LCOR: variants seen among roughly 807,000 people sequenced by gnomAD.
The protein encoded by LCOR is ligand dependent nuclear receptor corepressor, also known as ligand-dependent corepressor.
In LCOR, 14 loss-of-function variants were observed where a neutral mutation model predicts 64.4. The ratio of observed to expected loss-of-function variants is 0.22; its 90% confidence interval spans 0.14 to 0.34. LCOR has a LOEUF of 0.34. Ranked by LOEUF, LCOR falls within the 10% of genes least tolerant of loss-of-function variation. The pLI, the probability that LCOR is intolerant of heterozygous loss-of-function variation, is 1.00. For synonymous variants in LCOR, 643 were observed against 642.5 expected, an observed-to-expected ratio of 1.00 and a Z score of -0.01; for missense variants, 1,686 against 1,765.3, an observed-to-expected ratio of 0.96 and a Z score of 0.80.
chr10:96,840,607 A>G (rs185246820), intron 2 of LCOR, among the ~76,000 whole-genome samples: 3 of 152,276 alleles, frequency 2.0e-5, no homozygotes, highest in African/African-American at 2.4e-5. Flanking sequence ...TCCTCTCTAT[A>G]TATTTTTTAA....
At chr10:96,957,638 T>A in intron 7 of LCOR, 1 of 985,384 alleles carries the variant, frequency 1.0e-6, no homozygotes, top group Non-Finnish European at 1.2e-6. Context: ...TACTAACAGT[T>A]TGAGGGGAGG....
chr10:96,903,611 A>T (rs1487607077), intron 2 of LCOR, among the ~76,000 whole-genome samples: 2 of 152,080 alleles, frequency 1.3e-5, no homozygotes, highest in Non-Finnish European at 2.9e-5. Context: ...CATTCTGTTA[A>T]TTTTTTTCCA....
chr10:96,953,313 C>T (rs990359435), intron 7 of LCOR, among the ~76,000 whole-genome samples: 9 of 151,824 alleles, frequency 5.9e-5, no homozygotes, highest in South Asian at 2.1e-4. Flanking sequence ...GCACTTTGGG[C>T]GGCTGAAGCG....
chr10:96,920,660 A>ATATTCATATATG (rs1847052063), intron 4 of LCOR, among the ~76,000 whole-genome samples: 1 of 135,056 alleles, frequency 7.4e-6, no homozygotes, highest in African/African-American at 3.3e-5. Flanking sequence ...ATGTGTATAT[A>ATATTCATATATG]TGTATATATG....
At position 96,985,899 on chromosome 10, in the gene LCOR, C is replaced by T. The variant is rs1459872637; in HGVS notation, c.*765C>T. ...GCATCCCCAAACTGTATTACTAATT[C>T]TCACCATCTTCTTCATTTCTGGTCT... On this transcript the variant is annotated 3_prime_UTR_variant, in exon 8 of 8. Transcript: ENST00000421806. 2 of 167,000 alleles carry T rather than the reference C, an allele frequency of 1.2e-5. No individual in the cohort carries two copies. Among genetic ancestry groups the T allele is most frequent in the African/African-American group, 4.8e-5 (2 of 41,426 alleles). The allele number at this position is 167,000 out of a possible 1,614,324, so 10.3% of individuals were successfully genotyped here. A position where few individuals can be genotyped will look rare whatever the true frequency, so the allele number is the denominator to read the frequency against.
chr10:96,892,348 T>G (rs999793208), intron 2 of LCOR, among the ~76,000 whole-genome samples: 1 of 152,168 alleles, frequency 6.6e-6, no homozygotes. Flanking sequence ...CCTTTGTCTT[T>G]TTAAGTAGTT....
chr10:96,958,281 G>A, intron 7 of LCOR: 2 of 1,396,392 alleles, frequency 1.4e-6, no homozygotes, highest in Non-Finnish European at 1.9e-6. Context: ...AGAGTTTATT[G>A]TTCAGAGAGG....
chr10:96,981,541 T>C lies in LCOR; in HGVS notation c.1081T>C (p.Ser361Pro). The change falls in exon 8 of 8, where the codon TCT becomes CCT. Residue 361 changes from serine to proline, a missense_variant. Transcript: ENST00000421806. ...GAACTCAGGGTTTATGGGGAACTCA[T>C]CTAGAACTGCTGACAAAGAGAATAC... Reference protein sequence around the residue: ...AWNSGFMGNSSRTADKENTLQ... With the variant: ...AWNSGFMGNSPRTADKENTLQ... 1 of 1,614,220 alleles carries C rather than the reference T, an allele frequency of 6.2e-7. No individual in the cohort carries two copies. Among genetic ancestry groups the C allele is most frequent in the Non-Finnish European group, 8.5e-7 (1 of 1,180,040 alleles).
At chr10:96,848,470 C>A (rs1283761834) in intron 2 of LCOR, among the ~76,000 whole-genome samples, 1 of 152,260 alleles carries the variant, frequency 6.6e-6, no homozygotes, top group East Asian at 1.9e-4. Flanking sequence ...CCAGCCTGAC[C>A]AACATGGTGA....
intron 2 of LCOR, among the ~76,000 whole-genome samples, chr10:96,834,246 C>T (rs1000118769): frequency 3.3e-5 from 5 of 152,044 alleles, no homozygotes; most frequent in African/African-American, 1.2e-4. Context: ...TTTGGTTGTC[C>T]AAAGGTTAAA....
intron 7 of LCOR, among the ~76,000 whole-genome samples, chr10:96,975,752 C>T (rs1048028493): frequency 5.9e-5 from 9 of 152,000 alleles, no homozygotes; most frequent in Non-Finnish European, 1.3e-4. Flanking sequence ...TGGTGGCCCA[C>T]ACCTGTAATC....
chr10:96,968,692 T>C (rs1488785050), intron 7 of LCOR, among the ~76,000 whole-genome samples: 1 of 152,134 alleles, frequency 6.6e-6, no homozygotes, highest in African/African-American at 2.4e-5. Flanking sequence ...CCCAGTGTTT[T>C]GGGAGGCCGA....
intron 4 of LCOR, among the ~76,000 whole-genome samples, chr10:96,932,879 AAT>A (rs768101327): frequency 8.5e-5 from 13 of 152,240 alleles, no homozygotes; most frequent in Non-Finnish European, 1.5e-4. Flanking sequence ...AAAGTTTGTG[AAT>A]ATGTTTCAAG....
At chr10:96,833,217 G>T in intron 1 of LCOR, 189 bp from the exon 2 acceptor site, 1 of 982,578 alleles carries the variant, frequency 1.0e-6, no homozygotes, top group Non-Finnish European at 1.2e-6. Flanking sequence ...GTCCCCTCCC[G>T]GGGATTGGCC....
intron 7 of LCOR, among the ~76,000 whole-genome samples, chr10:96,970,619 A>AT: frequency 6.9e-6 from 1 of 144,222 alleles, no homozygotes; most frequent in East Asian, 2.0e-4. Context: ...ATTTTATTTT[A>AT]TTTTATTTAT....
chr10:96,886,756 A>G (rs981507934), intron 2 of LCOR, among the ~76,000 whole-genome samples: 3 of 152,202 alleles, frequency 2.0e-5, no homozygotes, highest in Non-Finnish European at 2.9e-5. Context: ...TTTCCTGAGC[A>G]CTTGGAATAA....
At chr10:96,908,555 G>C (rs1047200947) in intron 4 of LCOR, among the ~76,000 whole-genome samples, 1 of 152,028 alleles carries the variant, frequency 6.6e-6, no homozygotes, top group Non-Finnish European at 1.5e-5. Flanking sequence ...GTGAACCTTT[G>C]TGTATTTGTT....
At chr10:96,902,705 A>C (rs1846660811) in intron 2 of LCOR, among the ~76,000 whole-genome samples, 1 of 152,208 alleles carries the variant, frequency 6.6e-6, no homozygotes, top group African/African-American at 2.4e-5. Context: ...CAAGTCACAC[A>C]TCCTGACTTT....
chr10:96,945,052 A>G (rs1847564347), intron 5 of LCOR, among the ~76,000 whole-genome samples: 1 of 152,186 alleles, frequency 6.6e-6, no homozygotes, highest in African/African-American at 2.4e-5. Flanking sequence ...TCTTAGTTAC[A>G]CTTTTCCTCC....
Sources: allele counts gnomAD v4.1 joint callset (sites outside exome capture counted in the v4.1 genomes callset), GRCh38; gene constraint gnomAD v4.1.1; transcripts MANE v1.5; gene names NCBI Gene and HGNC (gene_info 2026-07-23, HGNC 2026-07-21).